Variants in GLG1 observed in about 807,000 individuals in gnomAD.
GLG1 encodes the protein Golgi apparatus protein 1.
Under a neutral mutation model 160.5 loss-of-function variants are expected in GLG1, and 38 were observed. That is an observed-to-expected ratio of 0.24 (90% CI 0.18 to 0.31). GLG1 has a LOEUF of 0.31. Ranked by LOEUF, GLG1 falls within the 10% of genes least tolerant of loss-of-function variation. The pLI, the probability that GLG1 is intolerant of heterozygous loss-of-function variation, is 1.00. For missense variants in GLG1, 1,373 were observed against 1,505.2 expected (o/e 0.91, Z 1.45); for synonymous variants, 644 against 543.4 (o/e 1.19, Z -2.57).
At position 74,471,255 on chromosome 16, in the gene GLG1, T is replaced by A. The variant is rs1567464107; in HGVS notation, c.2147A>T (p.Asp716Val). ...GTTCTGTATCAGACACTCCATCAGG[T>A]CCCCAGAGTCTATCTGGTTATCTGC... The part of the protein sequence containing the change: ...DVADNQIDSG[D>V]LMECLIQNKH... The change falls in exon 15 of 26, where the codon GAC becomes GTC. Residue 716 changes from aspartate (D) to valine (V), a missense_variant. Asp to Val is a radical substitution (Grantham distance 152, BLOSUM62 -3). Transcript: ENST00000422840. The A allele has an allele frequency of 6.2e-7, 1 of 1,607,792 alleles. No individual in the cohort carries two copies. Among genetic ancestry groups the A allele is most frequent in the East Asian group, 2.2e-5 (1 of 44,846 alleles).
intron 1 of GLG1, among the ~76,000 whole-genome samples, chr16:74,603,458 A>G (rs1297529142): frequency 6.6e-6 from 1 of 151,740 alleles, no homozygotes; most frequent in Non-Finnish European, 1.5e-5. Flanking sequence ...CAAACTTTTT[A>G]TTAGAGACGG....
Position 74,477,977 on chromosome 16 carries a change from A to AAAAAAAAT in GLG1, c.1828-445_1828-444insATTTTTTT, listed in dbSNP as rs55773213. On this transcript the variant is annotated intron_variant, in intron 11 of 25. Transcript: ENST00000422840. ...AACAAGAGCGAAACTCCGTCTCAAAAAAATAAATAAATAAATAAATAAATA... is the reference window on the plus strand; with the variant it reads ...AACAAGAGCGAAACTCCGTCTCAAAAAAAAAAATAAATAAATAAATAAATAAATAAATA... 9.6e-4 allele frequency among the ~76,000 whole-genome samples: 134 copies of AAAAAAAAT among 140,196 alleles called. 1 individual carries two copies. Among genetic ancestry groups the AAAAAAAAT allele is most frequent in the African/African-American group, 3.0e-3 (117 of 38,848 alleles). The allele number at this position is 140,196 out of a possible 152,430, so 92.0% of individuals were successfully genotyped here.
At chr16:74,530,484 T>C (rs1164770355) in intron 2 of GLG1, among the ~76,000 whole-genome samples, 1 of 152,180 alleles carries the variant, frequency 6.6e-6, no homozygotes, top group African/African-American at 2.4e-5. Flanking sequence ...CCACTGGCAA[T>C]ACATAAATAA....
chr16:74,574,539 T>C (rs2018930774), intron 1 of GLG1, among the ~76,000 whole-genome samples: 1 of 152,016 alleles, frequency 6.6e-6, no homozygotes, highest in Non-Finnish European at 1.5e-5. Flanking sequence ...CTTTGAATGA[T>C]GAAAGATTTC....
In GLG1 at chr16:74,492,968, G is replaced by A. The variant is rs763207393; in HGVS notation, c.1223C>T (p.Ala408Val). Residue 408 changes from alanine (A) to valine (V), a missense_variant, in exon 7 of 26, where the codon GCT becomes GTT. Transcript: ENST00000422840. ...LSYLLMCLES[A>V]VHRGRQVSSE... ...AATATGAATGCTACCTCTGTGTACA[G>A]CTGACTCCAGGCACATTAACAAGTA... 2.4e-5 allele frequency: 38 copies of A among 1,607,750 alleles called. No homozygotes were observed. The highest frequency in any genetic ancestry group is 2.0e-4 in the Admixed American group (12 of 58,858).
chr16:74,573,268 T>C (rs2018888478), intron 1 of GLG1, among the ~76,000 whole-genome samples: 1 of 152,166 alleles, frequency 6.6e-6, no homozygotes, highest in African/African-American at 2.4e-5. Flanking sequence ...GAATGTATTG[T>C]AGGCAGATGA....
At position 74,468,546 on chromosome 16, in the gene GLG1, T is replaced by C. The variant is rs1049112906; in HGVS notation, c.2436+400A>G. On this transcript the variant is annotated intron_variant, in intron 17 of 25. Transcript: ENST00000422840. ...CCACCTCGCTGGCCTAAGTCTCTTT[T>C]AGTACAGGCAGGGTTTCATCACGTT... The C allele has an allele frequency of 3.3e-5, 6 of 180,816 alleles. No homozygotes were observed. In the South Asian group the frequency reaches 6.6e-4, roughly 20 times the overall value. The allele number at this position is 180,816 out of a possible 1,614,324, so 11.2% of individuals were successfully genotyped here. A position where few individuals can be genotyped will look rare whatever the true frequency, so the allele number is the denominator to read the frequency against.
rs552750497 is a variant in GLG1 at position 74,478,928 on chromosome 16, A to G, written c.1827+1313T>C. 2.8e-5 allele frequency among the ~76,000 whole-genome samples: 4 copies of G among 143,590 alleles called. No homozygotes were observed. In the South Asian group the frequency reaches 9.0e-4, roughly 32 times the overall value. 94.2% of individuals were successfully genotyped at this position (143,590 alleles called of 152,430 possible). A position where few individuals can be genotyped will look rare whatever the true frequency, so the allele number is the denominator to read the frequency against. On this transcript the variant is annotated intron_variant, in intron 11 of 25. Coordinates refer to ENST00000422840, the MANE Select transcript of GLG1 (RefSeq NM_001145667.2). The stretch of plus-strand genomic sequence containing the variant: ...AAAAAAGGGGGGGGTTATTTTGGCC[A>G]GGCGCAGTGGCTCACACCTCTAATC...
chr16:74,526,914 G>A (rs1025992787), intron 2 of GLG1, among the ~76,000 whole-genome samples: 59 of 152,136 alleles, frequency 3.9e-4, no homozygotes, highest in Non-Finnish European at 7.6e-4. Flanking sequence ...TGAGTAAGTC[G>A]CTACACGCAA....
intron 2 of GLG1, among the ~76,000 whole-genome samples, chr16:74,523,813 A>C (rs1328838555): frequency 6.6e-6 from 1 of 152,136 alleles, no homozygotes; most frequent in African/African-American, 2.4e-5. Flanking sequence ...TTCATCTGTT[A>C]AGTACTTGCT....
At chr16:74,481,767 C>T (rs766911117) in intron 10 of GLG1, among the ~76,000 whole-genome samples, 2 of 152,192 alleles carry the variant, frequency 1.3e-5, no homozygotes, top group African/African-American at 4.8e-5. Flanking sequence ...CTGTAACCTA[C>T]AGCTCCTGGG....
chr16:74,560,696 C>A (rs923974420), intron 1 of GLG1, among the ~76,000 whole-genome samples: 2 of 151,974 alleles, frequency 1.3e-5, no homozygotes, highest in Non-Finnish European at 2.9e-5. Flanking sequence ...AAAAATTAAA[C>A]CTGAGCTGGG....
At chr16:74,565,556 A>C (rs186779882) in intron 1 of GLG1, among the ~76,000 whole-genome samples, 1 of 152,316 alleles carries the variant, frequency 6.6e-6, no homozygotes, top group Admixed American at 6.5e-5. Context: ...TAGACCGCCA[A>C]CTGCTTAAAC....
At chr16:74,530,926 A>G (rs2017512308) in intron 2 of GLG1, among the ~76,000 whole-genome samples, 1 of 152,160 alleles carries the variant, frequency 6.6e-6, no homozygotes, top group African/African-American at 2.4e-5. Context: ...TTTTCCTGTG[A>G]ACATTCTATT....
intron 7 of GLG1, among the ~76,000 whole-genome samples, chr16:74,491,848 C>T (rs1446461507): frequency 6.6e-6 from 1 of 151,432 alleles, no homozygotes; most frequent in African/African-American, 2.4e-5. Context: ...ACCGTGGTCT[C>T]GATCTCCTGA....
intron 1 of GLG1, among the ~76,000 whole-genome samples, chr16:74,542,918 T>A (rs71391101): frequency 2.0e-5 from 3 of 152,172 alleles, no homozygotes. Context: ...CAATCCAACT[T>A]TGTTACTTCT....
At position 74,606,989 on chromosome 16, in the gene GLG1, G is replaced by A; in HGVS notation, c.106C>T (p.His36Tyr). 1 of 1,606,818 alleles carries A rather than the reference G, an allele frequency of 6.2e-7. No homozygotes were observed. Among genetic ancestry groups the A allele is most frequent in the South Asian group, 1.1e-5 (1 of 90,570 alleles). Residue 36 changes from histidine (H) to tyrosine (Y), a missense_variant, in exon 1 of 26, where the codon CAC (histidine) becomes TAC (tyrosine). Coordinates refer to ENST00000422840, the MANE Select transcript of GLG1 (RefSeq NM_001145667.2). ...GAEKLPGQGV[H>Y]SQGQGPGANF... ...GCCCCGGGACCCTGGCCCTGGCTGT[G>A]GACGCCCTGGCCGGGGAGTTTCTCG... is the stretch of plus-strand genomic sequence containing the variant.
At chr16:74,542,792 A>AGGGAG in intron 1 of GLG1, among the ~76,000 whole-genome samples, 1 of 139,316 alleles carries the variant, frequency 7.2e-6, no homozygotes, top group East Asian at 2.1e-4. Context: ...GAAGGAAGGA[A>AGGGAG]GGAAGGAAGG....
chr16:74,499,105 G>C (rs1458493013), intron 4 of GLG1, among the ~76,000 whole-genome samples: 1 of 152,096 alleles, frequency 6.6e-6, no homozygotes, highest in Non-Finnish European at 1.5e-5. Context: ...AGGCTCAGAG[G>C]AGTTAACTAA....
Sources: gnomAD v4.1 joint callset for allele counts (sites outside exome capture counted in the v4.1 genomes callset) on GRCh38, gnomAD v4.1.1 for gene constraint, MANE v1.5 for transcripts, NCBI Gene and HGNC (gene_info 2026-07-23, HGNC 2026-07-21) for gene names.